Variants in AGBL1 observed in about 807,000 individuals in gnomAD.
AGBL1 encodes the protein AGBL carboxypeptidase 1.
A neutral mutation model predicts 118.9 loss-of-function variants in AGBL1; 130 were observed. That is an observed-to-expected ratio of 1.09 (90% CI 0.95 to 1.26). AGBL1 has a LOEUF of 1.26. Ranked by LOEUF, AGBL1 falls within the 50% of genes most tolerant of loss-of-function variation. The pLI, the probability that AGBL1 is intolerant of heterozygous loss-of-function variation, is 0.00. For missense variants in AGBL1, 1,584 were observed against 1,298.1 expected (o/e 1.22, Z -3.38); for synonymous variants, 555 against 478.9 (o/e 1.16, Z -2.08).
At chr15:86,904,854 A>T (rs574843113) in intron 22 of AGBL1, among the ~76,000 whole-genome samples, 1 of 152,082 alleles carries the variant, frequency 6.6e-6, no homozygotes, top group Non-Finnish European at 1.5e-5. Context: ...TATATGTTCA[A>T]TTCAGCAACT....
chr15:86,454,960 A>G (rs2082241965), intron 18 of AGBL1, among the ~76,000 whole-genome samples: 1 of 152,154 alleles, frequency 6.6e-6, no homozygotes, highest in Non-Finnish European at 1.5e-5. Context: ...TCCCACTGAA[A>G]TCTTCAGTGG....
chr15:86,090,894 C>T (rs75271352), intron 1 of AGBL1, among the ~76,000 whole-genome samples: 2,142 of 152,274 alleles, frequency 0.014, 31 homozygotes, highest in South Asian at 0.075. Context: ...TGCCAAGAGT[C>T]AACACATTTA....
chr15:86,840,951 A>G (rs1427343468), intron 22 of AGBL1, among the ~76,000 whole-genome samples: 1 of 152,178 alleles, frequency 6.6e-6, no homozygotes, highest in Non-Finnish European at 1.5e-5. Flanking sequence ...CAACTCACAA[A>G]CAACAGTCAA....
At chr15:86,447,505 C>T (rs554131679) in intron 18 of AGBL1, among the ~76,000 whole-genome samples, 16 of 152,190 alleles carry the variant, frequency 1.1e-4, no homozygotes, top group Non-Finnish European at 1.8e-4. Context: ...GCTTGTCTGA[C>T]TTGAAATCTA....
chr15:86,281,045 C>T (rs1420922686), intron 16 of AGBL1, among the ~76,000 whole-genome samples: 2 of 152,206 alleles, frequency 1.3e-5, no homozygotes, highest in African/African-American at 4.8e-5. Context: ...CATCTCCCTT[C>T]AACAGCTGTT....
intron 17 of AGBL1, among the ~76,000 whole-genome samples, chr15:86,364,284 G>T (rs1596018902): frequency 6.6e-6 from 1 of 152,120 alleles, no homozygotes; most frequent in South Asian, 2.1e-4. Flanking sequence ...ACATGAATGC[G>T]AACTCACTGT....
chr15:86,443,835 T>C (rs1168216805), intron 18 of AGBL1, among the ~76,000 whole-genome samples: 5 of 150,612 alleles, frequency 3.3e-5, no homozygotes, highest in African/African-American at 1.2e-4. Flanking sequence ...CCACATTTTC[T>C]TTATCCATCC....
downstream of AGBL1, among the ~76,000 whole-genome samples, chr15:86,918,991 G>T (rs1596634304): frequency 6.6e-6 from 1 of 152,120 alleles, no homozygotes; most frequent in African/African-American, 2.4e-5. Flanking sequence ...TGTTCCCCTG[G>T]TGACTCTATT....
chr15:86,616,063 G>A (rs896910446), intron 21 of AGBL1, among the ~76,000 whole-genome samples: 10 of 152,132 alleles, frequency 6.6e-5, no homozygotes, highest in African/African-American at 9.7e-5. Flanking sequence ...TGGGCCAGGA[G>A]TATTGGCTCA....
intron 21 of AGBL1, among the ~76,000 whole-genome samples, chr15:86,578,217 G>A (rs369780039): frequency 2.0e-5 from 3 of 152,362 alleles, no homozygotes; most frequent in African/African-American, 7.2e-5. Flanking sequence ...TGATGTGGAT[G>A]TGAGACATGG....
At chr15:86,327,323 A>C (rs1226272749) in intron 17 of AGBL1, among the ~76,000 whole-genome samples, 1 of 152,172 alleles carries the variant, frequency 6.6e-6, no homozygotes, top group East Asian at 1.9e-4. Context: ...CTTATCTGAT[A>C]AATTGGTGGC....
intron 22 of AGBL1, among the ~76,000 whole-genome samples, chr15:86,682,007 C>T (rs2085967024): frequency 6.6e-6 from 1 of 152,138 alleles, no homozygotes; most frequent in African/African-American, 2.4e-5. Context: ...CTTTCTGTTT[C>T]CATCAATTCC....
intron 16 of AGBL1, among the ~76,000 whole-genome samples, chr15:86,294,127 G>T (rs897353973): frequency 2.0e-5 from 3 of 152,052 alleles, no homozygotes; most frequent in Admixed American, 1.3e-4. Flanking sequence ...GCGGGATGTG[G>T]TGGCTCATGG....
rs150916017 is a variant in AGBL1 at position 86,780,332 on chromosome 15, T to A, written c.3158+105896T>A. Among the ~76,000 whole-genome samples, 1,251 of 152,356 alleles carry A rather than the reference T, an allele frequency of 8.2e-3. 20 individuals are homozygous for A. The highest frequency in any genetic ancestry group is 0.029 in the African/African-American group (1,194 of 41,588). On this transcript the variant is annotated intron_variant, in intron 22 of 22. Coordinates refer to ENST00000614907, the MANE Select transcript of AGBL1 (RefSeq NM_001386094.1). ...CTTTTCTGTTCTACTGATTTATGTT[T>A]CCCTTTTTATCTCAATATCACACTG...
chr15:86,684,428 G>T (rs1321036749), intron 22 of AGBL1, among the ~76,000 whole-genome samples: 4 of 151,274 alleles, frequency 2.6e-5, no homozygotes, highest in African/African-American at 9.7e-5. Flanking sequence ...TTTCCATGAA[G>T]TCCTCACTTT....
chr15:86,670,572 C>G (rs59768344), intron 21 of AGBL1, among the ~76,000 whole-genome samples: 10,133 of 146,600 alleles, frequency 0.069, 460 homozygotes, highest in South Asian at 0.088. Context: ...CCACTGCACT[C>G]CAGCCTGGGT....
At chr15:86,641,414 A>T (rs11856945) in intron 21 of AGBL1, among the ~76,000 whole-genome samples, 16,327 of 143,396 alleles carry the variant, frequency 0.11, 1,031 homozygotes, top group East Asian at 0.19. Flanking sequence ...AATTTTTTTT[A>T]AAAAAAAAAG....
At chr15:86,174,044 C>G (rs2077450311) in intron 5 of AGBL1, among the ~76,000 whole-genome samples, 1 of 151,724 alleles carries the variant, frequency 6.6e-6, no homozygotes, top group Non-Finnish European at 1.5e-5. Flanking sequence ...AGTATAGTCT[C>G]AAGATTAATT....
rs567813967 is a variant in AGBL1, at chr15:86,266,332, G to A, written c.1668-42G>A. The A allele has an allele frequency of 3.4e-6, 5 of 1,480,298 alleles. No homozygotes were observed. The South Asian group carries it at 5.0e-5, about 15-fold the overall frequency. 91.7% of individuals were successfully genotyped at this position (1,480,298 alleles called of 1,614,324 possible). On this transcript the variant is annotated intron_variant, in intron 11 of 22. Transcript: ENST00000614907. The stretch of plus-strand genomic sequence containing the variant: ...GATCACAGGATGAGTGAGCTAGGGA[G>A]AGAAGGCCGACCCTTAAAATGTTTT...
Sources: gnomAD v4.1 joint callset for allele counts (sites outside exome capture counted in the v4.1 genomes callset) on GRCh38, gnomAD v4.1.1 for gene constraint, MANE v1.5 for transcripts, NCBI Gene and HGNC (gene_info 2026-07-23, HGNC 2026-07-21) for gene names.